FHIT: variants seen among roughly 807,000 people sequenced by gnomAD.
FHIT encodes the protein fragile histidine triad diadenosine triphosphatase, also known as bis(5'-adenosyl)-triphosphatase.
A neutral mutation model predicts 17.9 loss-of-function variants in FHIT; 19 were observed. That is an observed-to-expected ratio of 1.06 (90% CI 0.74 to 1.56). FHIT has a LOEUF of 1.56. FHIT is among the 40% of genes most tolerant of loss of function. The pLI, the probability that FHIT is intolerant of heterozygous loss-of-function variation, is 0.00. For missense variants in FHIT, 248 were observed against 189.2 expected, an observed-to-expected ratio of 1.31 and a Z score of -1.82; for synonymous variants, 81 against 69.7, an observed-to-expected ratio of 1.16 and a Z score of -0.81.
At chr3:60,347,746 C>T (rs573475258) in intron 5 of FHIT, among the ~76,000 whole-genome samples, 17 of 151,422 alleles carry the variant, frequency 1.1e-4, no homozygotes, top group Non-Finnish European at 2.4e-4. Flanking sequence ...GCCCCAAACC[C>T]CAAGCATGCC....
At chr3:60,236,088 C>T (rs564561021) in intron 5 of FHIT, among the ~76,000 whole-genome samples, 2 of 152,076 alleles carry the variant, frequency 1.3e-5, no homozygotes, top group South Asian at 4.2e-4. Context: ...CCAAATGCAT[C>T]TTCTCTATCT....
At chr3:60,596,341 C>A (rs2038270161) in intron 4 of FHIT, among the ~76,000 whole-genome samples, 1 of 152,122 alleles carries the variant, frequency 6.6e-6, no homozygotes, top group African/African-American at 2.4e-5. Flanking sequence ...CCTGAACCAC[C>A]TTGAAGTTCT....
At chr3:60,167,319 G>A (rs1701218041) in intron 5 of FHIT, among the ~76,000 whole-genome samples, 1 of 152,122 alleles carries the variant, frequency 6.6e-6, no homozygotes, top group Admixed American at 6.5e-5. Context: ...ATAATACATT[G>A]CATACTACTT....
chr3:60,376,696 T>C (rs1576562863), intron 5 of FHIT, among the ~76,000 whole-genome samples: 2 of 152,244 alleles, frequency 1.3e-5, no homozygotes, highest in South Asian at 2.1e-4. Context: ...ATTTTATCTT[T>C]AGATTTTGGT....
rs561485751 is a variant in FHIT, at chr3:60,446,306, G to GA, written c.103+90553dup. Among the ~76,000 whole-genome samples, 4 of 152,250 alleles carry GA rather than the reference G, an allele frequency of 2.6e-5. No homozygotes were observed. The East Asian group carries it at 7.7e-4, about 29-fold the overall frequency. On this transcript the variant is annotated intron_variant, in intron 5 of 9. Transcript: ENST00000492590. Reference sequence around the variant, plus strand: ...TAGAATTACAGAAGCTGTGAATGCAGAATTATAGAGACTCTGCATGATGGT... The same window carrying GA: ...TAGAATTACAGAAGCTGTGAATGCAGAAATTATAGAGACTCTGCATGATGGT...
chr3:60,823,183 GACAA>G (rs1452213605), intron 3 of FHIT, among the ~76,000 whole-genome samples: 1 of 152,040 alleles, frequency 6.6e-6, no homozygotes, highest in African/African-American at 2.4e-5. Context: ...TGGTAGAGGA[GACAA>G]ACAAACAAAA....
intron 2 of FHIT, among the ~76,000 whole-genome samples, chr3:61,169,047 C>T (rs112590567): frequency 6.6e-6 from 1 of 152,172 alleles, no homozygotes; most frequent in East Asian, 1.9e-4. Context: ...ATACTTAGGG[C>T]GTACACCTAA....
At chr3:60,937,567 C>CTT (rs5849404) in intron 3 of FHIT, among the ~76,000 whole-genome samples, 81,792 of 134,910 alleles carry the variant, frequency 0.61, 25,964 homozygotes, top group Middle Eastern at 0.76. Flanking sequence ...CTTTTCTTTT[C>CTT]TTTTTTTTTT....
intron 5 of FHIT, among the ~76,000 whole-genome samples, chr3:60,275,165 C>A (rs1483958359): frequency 1.3e-5 from 2 of 148,672 alleles, no homozygotes; most frequent in Non-Finnish European, 3.0e-5. Context: ...GGCATATTTT[C>A]ATTACTGTTT....
At chr3:61,014,794 A>AT in intron 3 of FHIT, among the ~76,000 whole-genome samples, 1 of 89,460 alleles carries the variant, frequency 1.1e-5, no homozygotes, top group Non-Finnish European at 2.7e-5. Context: ...AAAAAAAAAA[A>AT]AAAAAAAAAA....
At chr3:60,569,202 T>A (rs2037249010) in intron 4 of FHIT, among the ~76,000 whole-genome samples, 1 of 152,052 alleles carries the variant, frequency 6.6e-6, no homozygotes, top group Non-Finnish European at 1.5e-5. Context: ...AAAATAGAAA[T>A]CTATTTTCAG....
intron 8 of FHIT, among the ~76,000 whole-genome samples, chr3:59,891,031 G>A (rs1023563233): frequency 4.6e-5 from 7 of 152,172 alleles, no homozygotes; most frequent in African/African-American, 1.4e-4. Flanking sequence ...CATGCACTCA[G>A]CATTTATGCA....
intron 2 of FHIT, among the ~76,000 whole-genome samples, chr3:61,188,587 C>A (rs1361213925): frequency 6.6e-6 from 1 of 152,282 alleles, no homozygotes; most frequent in South Asian, 2.1e-4. Context: ...TTTTATGAGG[C>A]CAGCATCATC....
At chr3:61,210,696 C>T (rs1161138904) in intron 1 of FHIT, among the ~76,000 whole-genome samples, 1 of 152,086 alleles carries the variant, frequency 6.6e-6, no homozygotes, top group Non-Finnish European at 1.5e-5. Context: ...TTTCCAGGTG[C>T]CATCTGTCAC....
At chr3:61,153,065 C>A (rs2037439524) in intron 2 of FHIT, among the ~76,000 whole-genome samples, 1 of 151,416 alleles carries the variant, frequency 6.6e-6, no homozygotes, top group Admixed American at 6.6e-5. Context: ...ATTGCTTGAA[C>A]CTGGGAGGCG....
At chr3:60,935,188 T>G (rs1708135510) in intron 3 of FHIT, among the ~76,000 whole-genome samples, 1 of 152,208 alleles carries the variant, frequency 6.6e-6, no homozygotes, top group African/African-American at 2.4e-5. Context: ...TTACAGTTAT[T>G]GTCAAATAGT....
chr3:60,704,081 A>G (rs1268049778), intron 4 of FHIT, among the ~76,000 whole-genome samples: 1 of 152,116 alleles, frequency 6.6e-6, no homozygotes, highest in African/African-American at 2.4e-5. Flanking sequence ...CTCCCACACG[A>G]CTACATATGC....
intron 5 of FHIT, among the ~76,000 whole-genome samples, chr3:60,393,930 G>C (rs1701333556): frequency 6.6e-6 from 1 of 152,176 alleles, no homozygotes. Flanking sequence ...CTGCAAGAGA[G>C]TTCTTTTGTT....
chr3:61,140,391 C>T (rs2037046410), intron 2 of FHIT, among the ~76,000 whole-genome samples: 1 of 152,106 alleles, frequency 6.6e-6, no homozygotes, highest in Admixed American at 6.6e-5. Flanking sequence ...TAGTAACTGG[C>T]AAGGGTGTAT....
Sources: gnomAD v4.1 joint callset for allele counts (sites outside exome capture counted in the v4.1 genomes callset) on GRCh38, gnomAD v4.1.1 for gene constraint, MANE v1.5 for transcripts, NCBI Gene and HGNC (gene_info 2026-07-23, HGNC 2026-07-21) for gene names.